Variants in PDCD1LG2 observed in about 807,000 individuals in gnomAD.
PDCD1LG2 encodes programmed cell death 1 ligand 2.
A neutral mutation model predicts 28.2 loss-of-function variants in PDCD1LG2; 32 were observed. The ratio of observed to expected loss-of-function variants is 1.13; its 90% CI spans 0.86 to 1.52. PDCD1LG2 has a LOEUF of 1.52. PDCD1LG2 is among the 40% of genes most tolerant of loss of function. The probability of loss-of-function intolerance (pLI) is 0.00; values close to 1 mark genes in which losing one functional copy is unlikely to be tolerated. For missense variants in PDCD1LG2, 385 were observed against 323.8 expected, an observed-to-expected ratio of 1.19 and a Z score of -1.45; for synonymous variants, 116 against 120.2, an observed-to-expected ratio of 0.97 and a Z score of 0.23.
chr9:5,563,594 A>G (rs1351724596), intron 6 of PDCD1LG2, among the ~76,000 whole-genome samples: 1 of 152,256 alleles, frequency 6.6e-6, no homozygotes, highest in African/African-American at 2.4e-5. Flanking sequence ...AATATGGGAA[A>G]AACACAAGTC....
At chr9:5,552,327 C>A (rs1187647574) in intron 4 of PDCD1LG2, among the ~76,000 whole-genome samples, 2 of 152,156 alleles carry the variant, frequency 1.3e-5, no homozygotes, top group African/African-American at 4.8e-5. Context: ...GGTGGCCAGG[C>A]CAGTAGCAGA....
chr9:5,534,665 T>C, intron 2 of PDCD1LG2, 80 bp from the exon 3 acceptor site: 1 of 1,311,696 alleles, frequency 7.6e-7, no homozygotes, highest in Non-Finnish European at 1.0e-6. Context: ...GGGGGTGAGA[T>C]GGGTCTCAGG....
At chr9:5,529,937 A>G (rs1411827315) in intron 2 of PDCD1LG2, among the ~76,000 whole-genome samples, 3 of 152,188 alleles carry the variant, frequency 2.0e-5, no homozygotes, top group Admixed American at 2.0e-4. Context: ...CTAAACCAGG[A>G]ACTTCAGAGT....
chr9:5,546,246 A>C (rs1306112084), intron 3 of PDCD1LG2, among the ~76,000 whole-genome samples: 1 of 152,118 alleles, frequency 6.6e-6, no homozygotes, highest in Non-Finnish European at 1.5e-5. Flanking sequence ...CAGGACACCA[A>C]GATCAGTTTC....
At chr9:5,527,535 A>G (rs1322949783) in intron 2 of PDCD1LG2, among the ~76,000 whole-genome samples, 2 of 152,220 alleles carry the variant, frequency 1.3e-5, no homozygotes, top group Admixed American at 1.3e-4. Context: ...TGTATACTAT[A>G]TTTTGTTTAT....
chr9:5,519,359 T>C (rs1415274023), intron 1 of PDCD1LG2, among the ~76,000 whole-genome samples: 1 of 152,148 alleles, frequency 6.6e-6, no homozygotes, highest in African/African-American at 2.4e-5. Context: ...GGCAAGTGGT[T>C]TACTCTCTCT....
At chr9:5,522,038 G>A (rs1820284816) in intron 1 of PDCD1LG2, among the ~76,000 whole-genome samples, 1 of 152,160 alleles carries the variant, frequency 6.6e-6, no homozygotes, top group Admixed American at 6.5e-5. Flanking sequence ...GCACTCAAAA[G>A]CACTTGACTA....
chr9:5,549,283 C>T (rs2129872714), intron 3 of PDCD1LG2, 52 bp from the exon 4 acceptor site: 2 of 1,532,352 alleles, frequency 1.3e-6, no homozygotes, highest in South Asian at 2.4e-5. Flanking sequence ...GTACCAAGCT[C>T]TATAGGAATC....
At position 5,515,695 on chromosome 9, in the gene PDCD1LG2, C is replaced by A. The variant is rs559872095; in HGVS notation, c.-15+4892C>A. ...ATCCCAGCACTTTGGGAGGCCGAGG[C>A]GGGTGGATCACGAGGTCAGAGTTCG... On this transcript the variant is annotated intron_variant, in intron 1 of 6. Transcript: ENST00000397747. Among the ~76,000 whole-genome samples, 11 of 151,934 alleles carry A rather than the reference C, an allele frequency of 7.2e-5. No individual in the cohort carries two copies. In the East Asian group the frequency reaches 2.1e-3, roughly 30 times the overall value.
chr9:5,525,377 G>T (rs1034629187), intron 2 of PDCD1LG2, among the ~76,000 whole-genome samples: 1 of 151,130 alleles, frequency 6.6e-6, no homozygotes, highest in African/African-American at 2.4e-5. Context: ...AACACTTATG[G>T]CGGTATTCTC....
intron 2 of PDCD1LG2, among the ~76,000 whole-genome samples, chr9:5,530,972 TG>T (rs1820471509): frequency 6.6e-6 from 1 of 152,182 alleles, no homozygotes; most frequent in South Asian, 2.1e-4. Context: ...GAAGGCAAGG[TG>T]GTAAAAGACG....
At chr9:5,516,410 G>C (rs897115682) in intron 1 of PDCD1LG2, among the ~76,000 whole-genome samples, 1 of 152,222 alleles carries the variant, frequency 6.6e-6, no homozygotes, top group Non-Finnish European at 1.5e-5. Flanking sequence ...CCCATGGGCA[G>C]CCATGGAAGG....
intron 3 of PDCD1LG2, among the ~76,000 whole-genome samples, chr9:5,546,789 T>C (rs1007189316): frequency 1.3e-5 from 2 of 152,242 alleles, no homozygotes; most frequent in African/African-American, 2.4e-5. Context: ...ATGTATTATA[T>C]GTATTATGTA....
intron 1 of PDCD1LG2, among the ~76,000 whole-genome samples, chr9:5,514,710 A>G (rs529838927): frequency 6.7e-6 from 1 of 148,520 alleles, no homozygotes; most frequent in Non-Finnish European, 1.5e-5. Flanking sequence ...GTGCTCTATG[A>G]TCACACCTGT....
chr9:5,536,701 G>A (rs556554737), intron 3 of PDCD1LG2, among the ~76,000 whole-genome samples: 1 of 152,290 alleles, frequency 6.6e-6, no homozygotes, highest in African/African-American at 2.4e-5. Flanking sequence ...CCTAGATCAG[G>A]GATTTCTCAG....
intron 3 of PDCD1LG2, among the ~76,000 whole-genome samples, chr9:5,541,018 A>G (rs1003624151): frequency 2.0e-5 from 3 of 152,358 alleles, no homozygotes; most frequent in Admixed American, 1.3e-4. Flanking sequence ...ATCCACCATG[A>G]TCAAGTGGGT....
intron 4 of PDCD1LG2, among the ~76,000 whole-genome samples, chr9:5,551,433 G>T (rs746213335): frequency 6.6e-6 from 1 of 152,116 alleles, no homozygotes; most frequent in Non-Finnish European, 1.5e-5. Flanking sequence ...TAATATAAGA[G>T]TATATTATCA....
chr9:5,557,488 A>G, intron 4 of PDCD1LG2, 130 bp from the exon 5 acceptor site: 3 of 1,073,178 alleles, frequency 2.8e-6, no homozygotes, highest in Non-Finnish European at 1.4e-6. Context: ...AGCACTTAGA[A>G]TAGGGCCTGG....
At position 5,531,003 on chromosome 9, in the gene PDCD1LG2, C is replaced by T. The variant is rs563039608; in HGVS notation, c.56-3742C>T. On this transcript the variant is annotated intron_variant, in intron 2 of 6. Transcript: ENST00000397747. ...AAGACGCTTGCACGTGCAAATGTTA[C>T]TTTGTGTAACTAATGGTTCGCAATA... Among the ~76,000 whole-genome samples, 3 of 152,312 alleles carry T rather than the reference C, an allele frequency of 2.0e-5. No individual in the cohort carries two copies. The East Asian group carries it at 5.8e-4, about 29-fold the overall frequency.
Sources: gnomAD v4.1 joint callset for allele counts (sites outside exome capture counted in the v4.1 genomes callset) on GRCh38, gnomAD v4.1.1 for gene constraint, MANE v1.5 for transcripts, NCBI Gene and HGNC (gene_info 2026-07-23, HGNC 2026-07-21) for gene names.